Variants in ZNF131 observed in about 807,000 individuals in gnomAD.
ZNF131 encodes the protein zinc finger protein 131.
Under a neutral mutation model 60.0 loss-of-function variants are expected in ZNF131, and 7 were observed. The observed-to-expected ratio is 0.12, with a 90% CI of 0.07 to 0.22. The LOEUF (loss-of-function observed/expected upper bound fraction) is 0.22, where lower values mean the gene tolerates loss of function less well. Among genes scored for constraint, ZNF131 ranks in the 10% least tolerant of loss-of-function variants. ZNF131 has a pLI of 1.00. For missense variants in ZNF131, 493 were observed against 740.9 expected (o/e 0.67, Z 3.88); for synonymous variants, 257 against 253.2 (o/e 1.01, Z -0.14).
intron 3 of ZNF131, among the ~76,000 whole-genome samples, chr5:43,127,706 A>G (rs899780916): frequency 6.6e-6 from 1 of 152,240 alleles, no homozygotes; most frequent in Admixed American, 6.5e-5. Flanking sequence ...CCACAGGTTC[A>G]TCTTTGACTT....
intron 5 of ZNF131, among the ~76,000 whole-genome samples, chr5:43,172,232 T>C (rs1199966761): frequency 6.6e-6 from 1 of 152,250 alleles, no homozygotes; most frequent in African/African-American, 2.4e-5. Flanking sequence ...ACCTGCTGTT[T>C]TAACTTGGTG....
chr5:43,144,237 C>CTTT (rs935655531), intron 4 of ZNF131, among the ~76,000 whole-genome samples: 26 of 65,316 alleles, frequency 4.0e-4, no homozygotes, highest in African/African-American at 7.9e-4. Context: ...TTCTTTCTTT[C>CTTT]TTTTTTTTTT....
intron 4 of ZNF131, among the ~76,000 whole-genome samples, chr5:43,141,027 G>GT (rs948628707): frequency 5.3e-5 from 8 of 151,444 alleles, no homozygotes; most frequent in African/African-American, 1.5e-4. Context: ...CCGAATAAAA[G>GT]TTTTTTTTTA....
intron 5 of ZNF131, among the ~76,000 whole-genome samples, chr5:43,163,100 TA>T (rs1749946374): frequency 6.7e-6 from 1 of 148,686 alleles, no homozygotes; most frequent in African/African-American, 2.5e-5. Context: ...GCCTCCTGAG[TA>T]AGCTGGGACT....
rs1254666429 is a variant in ZNF131, at chr5:43,122,026, T to A, written c.-15-13T>A. The stretch of plus-strand genomic sequence containing the variant: ...AGCTCATGGGTGTACATTATCATGC[T>A]CTTCTTTTGTAGAGCAGCCCGACGG... On this transcript the variant is annotated splice_polypyrimidine_tract_variant and intron_variant, in intron 1 of 6. Transcript: ENST00000682664. 6.2e-7 allele frequency: 1 copy of A among 1,612,946 alleles called. No individual in the cohort carries two copies. Among genetic ancestry groups the A allele is most frequent in the Non-Finnish European group, 8.5e-7 (1 of 1,179,634 alleles).
intron 5 of ZNF131, among the ~76,000 whole-genome samples, chr5:43,172,796 A>G (rs1049770453): frequency 6.6e-6 from 1 of 151,946 alleles, no homozygotes; most frequent in Non-Finnish European, 1.5e-5. Context: ...TGCAATACAT[A>G]TTCCATCGCT....
At chr5:43,164,090 A>G (rs1195924417) in intron 5 of ZNF131, among the ~76,000 whole-genome samples, 1 of 152,196 alleles carries the variant, frequency 6.6e-6, no homozygotes, top group Non-Finnish European at 1.5e-5. Flanking sequence ...TTTTGGGAAA[A>G]TGCTTTCTGA....
At chr5:43,165,186 C>G (rs1750197376) in intron 5 of ZNF131, among the ~76,000 whole-genome samples, 2 of 151,958 alleles carry the variant, frequency 1.3e-5, no homozygotes, top group South Asian at 2.1e-4. Context: ...CATGAGCCAC[C>G]ATGCTTGGCC....
At chr5:43,167,630 G>T (rs1190360544) in intron 5 of ZNF131, among the ~76,000 whole-genome samples, 1 of 152,058 alleles carries the variant, frequency 6.6e-6, no homozygotes. Flanking sequence ...TTTGTCCTCT[G>T]AATTTATTTT....
chr5:43,129,340 A>T (rs533421967), intron 3 of ZNF131, among the ~76,000 whole-genome samples: 45 of 151,800 alleles, frequency 3.0e-4, no homozygotes, highest in Non-Finnish European at 5.9e-4. Flanking sequence ...CCATAGTGCT[A>T]GGATTACAGG....
intron 3 of ZNF131, among the ~76,000 whole-genome samples, chr5:43,125,907 C>A (rs1744492039): frequency 6.6e-6 from 1 of 152,182 alleles, no homozygotes. Flanking sequence ...AGATTTAGGT[C>A]TGTGGCACAC....
At chr5:43,144,144 G>T (rs1485400609) in intron 4 of ZNF131, among the ~76,000 whole-genome samples, 2 of 148,900 alleles carry the variant, frequency 1.3e-5, no homozygotes, top group Non-Finnish European at 3.0e-5. Context: ...GGATGGTCTC[G>T]ATCTCCTGAC....
intron 4 of ZNF131, among the ~76,000 whole-genome samples, chr5:43,140,817 A>C (rs1746723487): frequency 6.6e-6 from 1 of 152,162 alleles, no homozygotes; most frequent in African/African-American, 2.4e-5. Context: ...CCTGGGTTCA[A>C]GCAATTCTCC....
chr5:43,124,819 A>G (rs576556329), intron 3 of ZNF131: 1 of 152,202 alleles, frequency 6.6e-6, no homozygotes, highest in African/African-American at 2.4e-5. Context: ...AAGCTTGATA[A>G]ACAGGGTCCA....
intron 3 of ZNF131, among the ~76,000 whole-genome samples, chr5:43,130,519 T>G (rs138049259): frequency 5.9e-5 from 9 of 152,274 alleles, no homozygotes; most frequent in African/African-American, 2.2e-4. Flanking sequence ...GAGAAAAGTT[T>G]TGAAGTGGTT....
intron 5 of ZNF131, among the ~76,000 whole-genome samples, chr5:43,162,622 G>A (rs112151862): frequency 0.15 from 20,945 of 135,818 alleles, 1,854 homozygotes; most frequent in Middle Eastern, 0.29. Context: ...AAAAAAAAGC[G>A]GCCAGGCGCG....
chr5:43,173,418 A>G lies in ZNF131; in HGVS notation c.1155A>G (p.Lys385=). ...LTACQTGVGA[K]KGRKKLYECQ... ...CATGCCAAACTGGAGTAGGGGCAAA[A>G]AAAGGAAGGAAGAAGCTCTACGAAT... Residue 385 remains lysine, a synonymous_variant, in exon 6 of 7, where the codon AAA becomes AAG. Coordinates refer to ENST00000682664, the MANE Select transcript of ZNF131 (RefSeq NM_001330707.2). The G allele has an allele frequency of 6.2e-7, 1 of 1,613,582 alleles. No individual in the cohort carries two copies. Among genetic ancestry groups the G allele is most frequent in the Non-Finnish European group, 8.5e-7 (1 of 1,179,580 alleles).
chr5:43,166,743 C>G (rs1255517533), intron 5 of ZNF131, among the ~76,000 whole-genome samples: 1 of 152,034 alleles, frequency 6.6e-6, no homozygotes, highest in Admixed American at 6.5e-5. Context: ...GCAACCTCTG[C>G]CTCCCGGGTT....
At chr5:43,143,849 G>T (rs1165904874) in intron 4 of ZNF131, among the ~76,000 whole-genome samples, 1 of 137,644 alleles carries the variant, frequency 7.3e-6, no homozygotes, top group African/African-American at 2.7e-5. Flanking sequence ...CATGTATACA[G>T]CTCTGTGCAT....
Sources: allele counts gnomAD v4.1 joint callset (sites outside exome capture counted in the v4.1 genomes callset), GRCh38; gene constraint gnomAD v4.1.1; transcripts MANE v1.5; gene names NCBI Gene and HGNC (gene_info 2026-07-23, HGNC 2026-07-21).